The following DTNA variants were observed in gnomAD, a reference collection of about 807,000 sequenced individuals.
DTNA encodes dystrobrevin alpha, also known as dystrophin-related protein 3.
In DTNA, 43 loss-of-function variants were observed where a neutral mutation model predicts 100.7. The observed-to-expected ratio is 0.43, with a 90% CI of 0.33 to 0.55. The LOEUF is 0.55. DTNA is among the 20% of genes least tolerant of loss of function. DTNA has a pLI of 0.04. For synonymous variants in DTNA, 349 were observed against 347.9 expected (o/e 1.00, Z -0.04); for missense variants, 798 against 953.9 (o/e 0.84, Z 2.15).
chr18:34,588,307 C>A (rs1422079235), intron 1 of DTNA, among the ~76,000 whole-genome samples: 1 of 152,114 alleles, frequency 6.6e-6, no homozygotes, highest in African/African-American at 2.4e-5. Context: ...TACCCTAAAC[C>A]TCTTTTTGAG....
rs111957279 is a variant in DTNA at position 34,592,718 on chromosome 18, T to C, written c.-2+99204T>C. Among the ~76,000 whole-genome samples the C allele has an allele frequency of 2.6e-3, 393 of 152,192 alleles. 4 individuals are homozygous for C. Among genetic ancestry groups the C allele is most frequent in the African/African-American group, 8.6e-3 (359 of 41,518 alleles). Reference sequence around the variant, plus strand: ...AAGCAGGCGGCATGATGATTTCCTCTTCTAACGGATCCCAACTCATTTACT... The same window carrying C: ...AAGCAGGCGGCATGATGATTTCCTCCTCTAACGGATCCCAACTCATTTACT... On this transcript the variant is annotated intron_variant, in intron 1 of 19. Coordinates refer to the DTNA transcript ENST00000283365.
At chr18:34,755,206 T>C (rs2092692354) in intron 1 of DTNA, among the ~76,000 whole-genome samples, 1 of 152,236 alleles carries the variant, frequency 6.6e-6, no homozygotes, top group South Asian at 2.1e-4. Context: ...GCCCTCTACA[T>C]GATTAAACAT....
intron 10 of DTNA, 24 bp downstream of exon 10, chr18:34,827,700 A>G (rs1236936732): frequency 6.2e-7 from 1 of 1,607,302 alleles, no homozygotes. Flanking sequence ...CTATTATAAA[A>G]TAAGCCCTTT....
chr18:34,846,417 CTT>C (rs1347920273), intron 13 of DTNA, among the ~76,000 whole-genome samples: 3 of 152,106 alleles, frequency 2.0e-5, no homozygotes, highest in African/African-American at 7.2e-5. Context: ...GCATCACACT[CTT>C]TTGATGCTTT....
chr18:34,723,265 C>T (rs572574439), intron 1 of DTNA, among the ~76,000 whole-genome samples: 1 of 152,296 alleles, frequency 6.6e-6, no homozygotes, highest in South Asian at 2.1e-4. Flanking sequence ...AGCAAAGCAT[C>T]GGCAACTCTG....
chr18:34,493,817 G>A (rs1480523121), intron 1 of DTNA: 5 of 148,682 alleles, frequency 3.4e-5, no homozygotes, highest in African/African-American at 1.2e-4. Context: ...AGCGCCGGCG[G>A]GGGCAGGGAT....
chr18:34,636,395 A>G lies in DTNA; in HGVS notation c.-1-119581A>G, dbSNP rs937134210. On this transcript the variant is annotated intron_variant, in intron 1 of 19. Transcript: ENST00000283365. ...CTCCCAAAGTGCTAGGATTACAGGCATAAACTGTAATCCCACAGTGCTGGG... is the reference window on the plus strand; with the variant it reads ...CTCCCAAAGTGCTAGGATTACAGGCGTAAACTGTAATCCCACAGTGCTGGG... Among the ~76,000 whole-genome samples the G allele has an allele frequency of 5.9e-5, 9 of 152,306 alleles. 1 individual carries two copies. Among genetic ancestry groups the G allele is most frequent in the Non-Finnish European group, 8.8e-5 (6 of 68,028 alleles).
At chr18:34,577,326 T>G (rs889365073) in intron 1 of DTNA, among the ~76,000 whole-genome samples, 3 of 152,236 alleles carry the variant, frequency 2.0e-5, no homozygotes, top group Non-Finnish European at 4.4e-5. Flanking sequence ...TTACCATTTT[T>G]AAACTTTCAA....
rs542980640 is a variant in DTNA at position 34,743,803 on chromosome 18, A to G, written c.-1-12173A>G. Among the ~76,000 whole-genome samples the G allele has an allele frequency of 4.6e-5, 7 of 152,190 alleles. No homozygotes were observed. In the East Asian group the frequency reaches 1.4e-3, roughly 29 times the overall value. On this transcript the variant is annotated intron_variant, in intron 1 of 22. Transcript: ENST00000444659. The stretch of plus-strand genomic sequence containing the variant: ...ATCTTTTCCTATCCTTCTTGTACTG[A>G]CTTTGGAACCCTGTGCTCTTAAGTT...
chr18:34,755,751 TA>T, intron 1 of DTNA: 1 of 509,852 alleles, frequency 2.0e-6, no homozygotes. Context: ...TGTTAGACAA[TA>T]AAAATTTTAT....
At chr18:34,841,878 T>G (rs777947444) in intron 13 of DTNA, among the ~76,000 whole-genome samples, 2 of 152,188 alleles carry the variant, frequency 1.3e-5, no homozygotes, top group Non-Finnish European at 2.9e-5. Context: ...CTTAACACAC[T>G]GGGAAACTGA....
chr18:34,853,857 T>C (rs1354749699), intron 15 of DTNA, among the ~76,000 whole-genome samples: 3 of 152,190 alleles, frequency 2.0e-5, no homozygotes, highest in Admixed American at 2.0e-4. Flanking sequence ...GTATCATTTA[T>C]TATATCTACT....
intron 1 of DTNA, among the ~76,000 whole-genome samples, chr18:34,748,611 G>C (rs1266450169): frequency 6.6e-6 from 1 of 152,096 alleles, no homozygotes; most frequent in African/African-American, 2.4e-5. Flanking sequence ...AGATCAGTTT[G>C]CTGTAAGTTT....
At chr18:34,796,073 T>A (rs1470696926) in intron 4 of DTNA, among the ~76,000 whole-genome samples, 1 of 152,252 alleles carries the variant, frequency 6.6e-6, no homozygotes, top group Non-Finnish European at 1.5e-5. Context: ...CCTCCTGATG[T>A]GTACTTTCAA....
Position 34,616,159 on chromosome 18 carries a change from G to T in DTNA, c.-2+122645G>T, listed in dbSNP as rs141615855. On this transcript the variant is annotated intron_variant, in intron 1 of 19. Coordinates refer to the DTNA transcript ENST00000283365. The stretch of plus-strand genomic sequence containing the variant: ...TCTCTTTTAAGTTATCTGAGAAGTT[G>T]CCAAACTGTTTTCCACATGGCTGAA... 2.8e-4 allele frequency among the ~76,000 whole-genome samples: 42 copies of T among 152,270 alleles called. No individual in the cohort carries two copies. In the East Asian group the frequency reaches 5.4e-3, roughly 20 times the overall value.
At chr18:34,519,422 A>G (rs548171729) in intron 1 of DTNA, among the ~76,000 whole-genome samples, 2 of 152,226 alleles carry the variant, frequency 1.3e-5, no homozygotes, top group African/African-American at 2.4e-5. Context: ...TCTGAAATAG[A>G]GTGATTCTGA....
intron 3 of DTNA, among the ~76,000 whole-genome samples, chr18:34,776,309 G>A (rs1033192489): frequency 1.3e-5 from 2 of 152,038 alleles, no homozygotes; most frequent in African/African-American, 4.8e-5. Flanking sequence ...CTCCAAACAC[G>A]GAGAAGCCAC....
Position 34,585,942 on chromosome 18 carries a change from T to A in DTNA, c.-2+92428T>A, listed in dbSNP as rs113565063. Among the ~76,000 whole-genome samples, 390 of 152,318 alleles carry A rather than the reference T, an allele frequency of 2.6e-3. 4 individuals are homozygous for A. The highest frequency in any genetic ancestry group is 8.7e-3 in the African/African-American group (362 of 41,572). Reference sequence around the variant, plus strand: ...TTGTAAAGAACATGAATGCCATGAATACTAGAGCTTTGTGGTTTTCAAGCA... The same window carrying A: ...TTGTAAAGAACATGAATGCCATGAAAACTAGAGCTTTGTGGTTTTCAAGCA... On this transcript the variant is annotated intron_variant, in intron 1 of 19. Coordinates refer to the DTNA transcript ENST00000283365.
upstream of DTNA, among the ~76,000 whole-genome samples, chr18:34,705,840 G>A (rs2082044662): frequency 2.0e-5 from 3 of 152,148 alleles, no homozygotes; most frequent in Admixed American, 2.0e-4. Context: ...ATATACGAAT[G>A]TTAAAATTTT....
Sources: gnomAD v4.1 joint callset for allele counts (sites outside exome capture counted in the v4.1 genomes callset) on GRCh38, gnomAD v4.1.1 for gene constraint, MANE v1.5 for transcripts, NCBI Gene and HGNC (gene_info 2026-07-23, HGNC 2026-07-21) for gene names.